The following PTPRD variants were observed in gnomAD, a reference collection of about 807,000 sequenced individuals.
PTPRD encodes the protein protein tyrosine phosphatase receptor type D.
PTPRD carries 34 observed loss-of-function variants against 214.5 expected under a neutral mutation model. The observed-to-expected ratio is 0.16, with a 90% CI of 0.12 to 0.21. The LOEUF (loss-of-function observed/expected upper bound fraction) is 0.21, where lower values mean the gene tolerates loss of function less well. PTPRD is among the 10% of genes least tolerant of loss of function. The pLI is 1.00. For synonymous variants in PTPRD, 1,128 were observed against 845.7 expected (o/e 1.33, Z -5.79); for missense variants, 2,545 against 2,398.7 (o/e 1.06, Z -1.27).
chr9:8,590,278 C>A (rs1342677516), intron 14 of PTPRD, among the ~76,000 whole-genome samples: 1 of 152,006 alleles, frequency 6.6e-6, no homozygotes, highest in Non-Finnish European at 1.5e-5. Flanking sequence ...AAGAGCTCTG[C>A]GGAGGTAATA....
chr9:8,544,477 T>C (rs981816502), intron 14 of PTPRD, among the ~76,000 whole-genome samples: 2 of 147,952 alleles, frequency 1.4e-5, no homozygotes, highest in Non-Finnish European at 3.0e-5. Context: ...CTTTTTTTTT[T>C]TTTTTTTTTT....
chr9:9,657,956 G>A (rs2096552951), intron 7 of PTPRD, among the ~76,000 whole-genome samples: 1 of 152,130 alleles, frequency 6.6e-6, no homozygotes, highest in Non-Finnish European at 1.5e-5. Flanking sequence ...TCAGCCAAGT[G>A]GAACTCATTT....
intron 9 of PTPRD, among the ~76,000 whole-genome samples, chr9:9,341,389 C>T (rs1333121): frequency 0.18 from 26,962 of 152,006 alleles, 2,635 homozygotes; most frequent in East Asian, 0.34. Flanking sequence ...CCCCCCAGGG[C>T]GCAGGTGTCT....
chr9:9,118,341 G>C (rs897666348), intron 10 of PTPRD, among the ~76,000 whole-genome samples: 1 of 152,156 alleles, frequency 6.6e-6, no homozygotes, highest in Non-Finnish European at 1.5e-5. Flanking sequence ...GGAGTGAACA[G>C]ATATGATCCA....
chr9:10,163,585 AGTTT>A (rs1434572956), intron 3 of PTPRD, among the ~76,000 whole-genome samples: 1 of 151,462 alleles, frequency 6.6e-6, no homozygotes, highest in Non-Finnish European at 1.5e-5. Context: ...TCATGCTATC[AGTTT>A]ATTTTCTATA....
At chr9:8,824,139 G>A (rs548401815) in intron 11 of PTPRD, among the ~76,000 whole-genome samples, 1 of 152,234 alleles carries the variant, frequency 6.6e-6, no homozygotes, top group East Asian at 1.9e-4. Context: ...GGTTTTCATG[G>A]CCTGTATTTT....
chr9:9,511,358 T>C (rs1397184304), intron 8 of PTPRD, among the ~76,000 whole-genome samples: 2 of 151,768 alleles, frequency 1.3e-5, no homozygotes, highest in African/African-American at 2.4e-5. Context: ...TCAATACAGC[T>C]GTTGTCTTTA....
At chr9:8,982,248 G>A (rs2154341022) in intron 11 of PTPRD, among the ~76,000 whole-genome samples, 1 of 152,058 alleles carries the variant, frequency 6.6e-6, no homozygotes, top group Admixed American at 6.6e-5. Flanking sequence ...ATGGCTCATT[G>A]TAGAAATTAT....
At chr9:10,202,159 A>G (rs1407496238) in intron 3 of PTPRD, among the ~76,000 whole-genome samples, 1 of 152,126 alleles carries the variant, frequency 6.6e-6, no homozygotes, top group Non-Finnish European at 1.5e-5. Context: ...TATTCAAAGG[A>G]ATTTAGTAAA....
intron 9 of PTPRD, among the ~76,000 whole-genome samples, chr9:9,270,298 C>G (rs1330493438): frequency 6.6e-6 from 1 of 151,178 alleles, no homozygotes; most frequent in Non-Finnish European, 1.5e-5. Flanking sequence ...GAAATAATCA[C>G]TGATGACATA....
intron 9 of PTPRD, among the ~76,000 whole-genome samples, chr9:9,241,697 G>A (rs922089633): frequency 6.6e-6 from 1 of 151,436 alleles, no homozygotes. Context: ...CGTTTGCTTG[G>A]TAGATCTTCC....
intron 7 of PTPRD, among the ~76,000 whole-genome samples, chr9:9,591,234 A>G (rs1394353283): frequency 6.6e-6 from 1 of 151,964 alleles, no homozygotes; most frequent in African/African-American, 2.4e-5. Context: ...GGAACCTGCC[A>G]TTCCTGCGGT....
chr9:10,330,867 G>T (rs980474111), intron 3 of PTPRD, among the ~76,000 whole-genome samples: 3 of 151,838 alleles, frequency 2.0e-5, no homozygotes, highest in Non-Finnish European at 2.9e-5. Flanking sequence ...TCAAGTGCAT[G>T]TGTGGCTCAC....
chr9:8,924,509 T>G (rs183260091), intron 11 of PTPRD, among the ~76,000 whole-genome samples: 1 of 152,290 alleles, frequency 6.6e-6, no homozygotes, highest in East Asian at 1.9e-4. Flanking sequence ...AATATTCTTC[T>G]TGTAACAATC....
chr9:8,746,280 G>A (rs993314796), intron 11 of PTPRD, among the ~76,000 whole-genome samples: 3 of 152,120 alleles, frequency 2.0e-5, no homozygotes, highest in African/African-American at 4.8e-5. Flanking sequence ...CATATTGAAA[G>A]AAGAAATGAA....
At chr9:9,141,572 C>G (rs73399606) in intron 10 of PTPRD, among the ~76,000 whole-genome samples, 18,638 of 151,626 alleles carry the variant, frequency 0.12, 1,228 homozygotes, top group East Asian at 0.22. Context: ...TTCTCCTTAG[C>G]CACCCATGTT....
intron 12 of PTPRD, among the ~76,000 whole-genome samples, chr9:8,671,446 C>G (rs556721730): frequency 6.6e-6 from 1 of 152,116 alleles, no homozygotes; most frequent in East Asian, 1.9e-4. Flanking sequence ...GCCCAGGATA[C>G]AGAACATATT....
rs201561747 is a variant in PTPRD at position 9,353,035 on chromosome 9, C to T, written c.-203+44414G>A. ...AATGATAAAATTTGAATTAATTCTTCAAAATTTTAATGCAGGGAGAAATCA... is the reference window on the plus strand; with the variant it reads ...AATGATAAAATTTGAATTAATTCTTTAAAATTTTAATGCAGGGAGAAATCA... On this transcript the variant is annotated intron_variant, in intron 9 of 45. Transcript: ENST00000381196. 5.9e-5 allele frequency among the ~76,000 whole-genome samples: 9 copies of T among 151,938 alleles called. No individual in the cohort carries two copies. The East Asian group carries it at 1.7e-3, about 30-fold the overall frequency.
chr9:8,333,063 G>T lies in PTPRD; in HGVS notation c.5380-1327C>A, dbSNP rs75970174. The stretch of plus-strand genomic sequence containing the variant: ...CACCTCGCCTGGTGGTTTTCACAGG[G>T]ACATGCCAGATTCCTGACTGATGTT... On this transcript the variant is annotated intron_variant, in intron 43 of 45. Transcript: ENST00000381196. 5.8e-4 allele frequency among the ~76,000 whole-genome samples: 88 copies of T among 152,282 alleles called. No individual in the cohort carries two copies. In the East Asian group the frequency reaches 0.016, roughly 27 times the overall value.
Sources: gnomAD v4.1 joint callset for allele counts (sites outside exome capture counted in the v4.1 genomes callset) on GRCh38, gnomAD v4.1.1 for gene constraint, MANE v1.5 for transcripts, NCBI Gene and HGNC (gene_info 2026-07-23, HGNC 2026-07-21) for gene names.